CIT: variants seen among roughly 807,000 people sequenced by gnomAD.
CIT encodes the protein citron Rho-interacting kinase.
CIT carries 79 observed loss-of-function variants against 272.7 expected under a neutral mutation model. That is an observed-to-expected ratio of 0.29 (90% confidence interval 0.24 to 0.35). The LOEUF (loss-of-function observed/expected upper bound fraction) is 0.35, where lower values mean the gene tolerates loss of function less well. CIT is among the 10% of genes least tolerant of loss of function. The pLI is 1.00. For synonymous variants in CIT, 948 were observed against 995.6 expected (o/e 0.95, Z 0.90); for missense variants, 1,909 against 2,618.3 (o/e 0.73, Z 5.91).
At chr12:119,851,472 G>A (rs907904777) in intron 4 of CIT, among the ~76,000 whole-genome samples, 3 of 152,136 alleles carry the variant, frequency 2.0e-5, no homozygotes, top group African/African-American at 7.2e-5. Context: ...TGATGCCAGA[G>A]CCAGGGCAGA....
chr12:119,707,049 A>AACTG (rs10630305), intron 40 of CIT, among the ~76,000 whole-genome samples: 16,380 of 152,136 alleles, frequency 0.11, 2,434 homozygotes, highest in African/African-American at 0.34. Context: ...AGTTCTCATG[A>AACTG]ACTTTGTTAT....
intron 10 of CIT, among the ~76,000 whole-genome samples, chr12:119,789,626 A>T (rs1965128326): frequency 6.6e-6 from 1 of 152,212 alleles, no homozygotes; most frequent in African/African-American, 2.4e-5. Flanking sequence ...GTATTTCTTG[A>T]GCACACATAT....
chr12:119,870,549 C>CA (rs57894300), intron 2 of CIT, among the ~76,000 whole-genome samples: 5,918 of 51,868 alleles, frequency 0.11, 582 homozygotes, highest in African/African-American at 0.21. Flanking sequence ...GACTCCCTCT[C>CA]AAAAAAAAAA....
Position 119,752,139 on chromosome 12 carries a change from G to A in CIT, c.2815C>T (p.Arg939Trp), listed in dbSNP as rs772291317. 3 of 1,612,958 alleles carry A rather than the reference G, an allele frequency of 1.9e-6. No homozygotes were observed. The highest frequency in any genetic ancestry group is 2.5e-6 in the Non-Finnish European group (3 of 1,180,002). Residue 939 changes from arginine (R) to tryptophan (W), a missense_variant, in exon 23 of 48, where the codon CGG becomes TGG. Arg to Trp is a moderately radical substitution (Grantham distance 101). This residue lies in a region of CIT where 530 missense variants were observed against 822.4 expected (regional missense o/e 0.64). Coordinates refer to ENST00000392521, the MANE Select transcript of CIT (RefSeq NM_001206999.2). The part of the protein sequence containing the change: ...ESQLTALQAA[R>W]AALESQLRQA... ...CGAAGCTGGCTCTCCAGGGCCGCCC[G>A]TGCAGCCTGCAGGGCTGTCAACTGT... is the stretch of plus-strand genomic sequence containing the variant.
At chr12:119,845,379 G>A (rs1011594377) in intron 5 of CIT, among the ~76,000 whole-genome samples, 1 of 151,784 alleles carries the variant, frequency 6.6e-6, no homozygotes, top group Non-Finnish European at 1.5e-5. Context: ...GTGGCCAGGC[G>A]CAGTGGCTCA....
At chr12:119,807,468 A>AT (rs140720520) in intron 9 of CIT, among the ~76,000 whole-genome samples, 6,024 of 151,112 alleles carry the variant, frequency 0.04, 334 homozygotes, top group African/African-American at 0.14. Flanking sequence ...ACAAAATGTG[A>AT]TTTTTTTTTG....
intron 12 of CIT, chr12:119,782,860 GAAA>G (rs1286687074): frequency 8.7e-6 from 4 of 459,450 alleles, no homozygotes; most frequent in Admixed American, 3.5e-5. Context: ...GATCCAGCCG[GAAA>G]CTGCATCAGC....
At chr12:119,757,337 C>G (rs566533448) in intron 22 of CIT, 34 bp downstream of exon 22, 26 of 1,610,786 alleles carry the variant, frequency 1.6e-5, no homozygotes, top group African/African-American at 1.3e-4. Context: ...AATCGCCCAG[C>G]AAATCCTCCC....
intron 4 of CIT, among the ~76,000 whole-genome samples, chr12:119,852,837 T>G (rs1022069661): frequency 2.6e-5 from 4 of 152,174 alleles, no homozygotes; most frequent in Non-Finnish European, 4.4e-5. Flanking sequence ...TGCACATATA[T>G]TCTATGTGTA....
chr12:119,806,528 T>A, intron 9 of CIT, among the ~76,000 whole-genome samples: 1 of 152,134 alleles, frequency 6.6e-6, no homozygotes, highest in East Asian at 1.9e-4. Context: ...TGGTCCAGGA[T>A]CACTGAGCCC....
At chr12:119,771,855 G>T (rs1389103661) in intron 17 of CIT, among the ~76,000 whole-genome samples, 1 of 152,176 alleles carries the variant, frequency 6.6e-6, no homozygotes, top group Non-Finnish European at 1.5e-5. Flanking sequence ...GGGGTCCAGA[G>T]AAAACGAAAT....
rs574142889 is a variant in CIT at position 119,785,623 on chromosome 12, GTGCAACCTCGGCTCAC to G, written c.1296-574_1296-559del. ...CTGTTGCCCAGGCTGGAGTGCAGTG[GTGCAACCTCGGCTCAC>G]TGCAACCTCGGCTCACTGCAACCTC... On this transcript the variant is annotated intron_variant, in intron 10 of 47. Transcript: ENST00000392521. Among the ~76,000 whole-genome samples, 129 of 152,044 alleles carry G rather than the reference GTGCAACCTCGGCTCAC, an allele frequency of 8.5e-4. 1 individual carries two copies. In the South Asian group the frequency reaches 0.012, roughly 14 times the overall value.
intron 5 of CIT, among the ~76,000 whole-genome samples, chr12:119,843,187 T>A (rs1387280814): frequency 6.6e-6 from 1 of 152,020 alleles, no homozygotes; most frequent in African/African-American, 2.4e-5. Flanking sequence ...TTCAGGATGT[T>A]AAGGTAGAAA....
chr12:119,691,171 CAAA>C (rs35222584), intron 46 of CIT, among the ~76,000 whole-genome samples: 10 of 70,252 alleles, frequency 1.4e-4, no homozygotes, highest in African/African-American at 4.7e-4. Flanking sequence ...GACTCCGTCT[CAAA>C]AAAAAAAAAA....
At chr12:119,749,808 A>G (rs1959963730) in intron 23 of CIT, among the ~76,000 whole-genome samples, 1 of 152,106 alleles carries the variant, frequency 6.6e-6, no homozygotes, top group South Asian at 2.1e-4. Flanking sequence ...CTCAGCTTCC[A>G]GCAGCCATCA....
intron 28 of CIT, among the ~76,000 whole-genome samples, chr12:119,724,052 A>T (rs978726056): frequency 2.6e-5 from 4 of 152,204 alleles, no homozygotes. Flanking sequence ...GCACTTTGGG[A>T]GGCCAAGGCA....
In CIT at chr12:119,734,430, A is replaced by G. The variant is rs536931938; in HGVS notation, c.3157-73T>C. On this transcript the variant is annotated intron_variant, in intron 25 of 47. Transcript: ENST00000392521. ...TCCTGGAGATTACTTTGGTCGGGTC[A>G]GTTTCAGAAAAGCACAAGTTTCTAA... 3.2e-5 allele frequency: 48 copies of G among 1,507,884 alleles called. No homozygotes were observed. In the African/African-American group the frequency reaches 5.3e-4, roughly 17 times the overall value. 93.4% of individuals were successfully genotyped at this position (1,507,884 alleles called of 1,614,324 possible). A position where few individuals can be genotyped will look rare whatever the true frequency, so the allele number is the denominator to read the frequency against.
chr12:119,771,754 G>A (rs532414362), intron 17 of CIT, among the ~76,000 whole-genome samples: 2 of 152,126 alleles, frequency 1.3e-5, no homozygotes, highest in Non-Finnish European at 2.9e-5. Context: ...GAAAGGGCTT[G>A]GACTACAAGG....
intron 39 of CIT, among the ~76,000 whole-genome samples, chr12:119,709,650 C>G (rs973544977): frequency 8.6e-5 from 13 of 151,936 alleles, no homozygotes; most frequent in Admixed American, 3.9e-4. Context: ...CTAACACAGA[C>G]AGAGAGAAAT....
Sources: allele counts gnomAD v4.1 joint callset (sites outside exome capture counted in the v4.1 genomes callset), GRCh38; gene constraint gnomAD v4.1.1; regional missense constraint gnomAD v4.1.1; transcripts MANE v1.5; gene names NCBI Gene and HGNC (gene_info 2026-07-23, HGNC 2026-07-21).